FOCAD: variants seen among roughly 807,000 people sequenced by gnomAD.
FOCAD encodes the protein KIAA1797.
A neutral mutation model predicts 225.6 loss-of-function variants in FOCAD; 198 were observed. The observed-to-expected ratio is 0.88, with a 90% confidence interval of 0.78 to 0.99. FOCAD has a LOEUF of 0.99. Ranked by LOEUF, FOCAD falls within the 50% of genes least tolerant of loss-of-function variation. FOCAD has a pLI of 0.00. For synonymous variants in FOCAD, 897 were observed against 755.0 expected (o/e 1.19, Z -3.08); for missense variants, 2,713 against 2,123.6 (o/e 1.28, Z -5.46).
intron 21 of FOCAD, chr9:20,897,014 G>A (rs1191161280): frequency 6.6e-6 from 1 of 151,812 alleles, no homozygotes; most frequent in Non-Finnish European, 1.5e-5. Flanking sequence ...GGCTATACGA[G>A]TGGATTAATC....
chr9:20,792,371 T>C (rs775834740), intron 11 of FOCAD, among the ~76,000 whole-genome samples: 1 of 152,190 alleles, frequency 6.6e-6, no homozygotes, highest in Non-Finnish European at 1.5e-5. Context: ...GTAAGGTGTA[T>C]CAATTTCTTT....
chr9:20,966,443 T>C (rs1839261940), intron 35 of FOCAD, among the ~76,000 whole-genome samples: 1 of 152,168 alleles, frequency 6.6e-6, no homozygotes, highest in Admixed American at 6.5e-5. Context: ...TTATTTATAA[T>C]TTGCAAATTC....
At chr9:20,955,955 A>G (rs1354839551) in intron 35 of FOCAD, among the ~76,000 whole-genome samples, 1 of 152,170 alleles carries the variant, frequency 6.6e-6, no homozygotes, top group Non-Finnish European at 1.5e-5. Context: ...TTGCTGGGGA[A>G]TGTGGCTAAC....
At chr9:20,954,225 G>C (rs2132401244) in intron 35 of FOCAD, among the ~76,000 whole-genome samples, 1 of 152,170 alleles carries the variant, frequency 6.6e-6, no homozygotes, top group Admixed American at 6.5e-5. Flanking sequence ...TGTACAGTTA[G>C]TTCATTGTTT....
chr9:20,844,657 G>A (rs376195023), intron 15 of FOCAD, among the ~76,000 whole-genome samples: 4 of 151,958 alleles, frequency 2.6e-5, no homozygotes, highest in African/African-American at 4.8e-5. Context: ...CACTGTACCC[G>A]GCCTCATCTA....
intron 1 of FOCAD, 112 bp from the exon 2 acceptor site, chr9:20,715,210 C>A: frequency 2.4e-6 from 1 of 419,544 alleles, no homozygotes; most frequent in Non-Finnish European, 4.1e-6. Flanking sequence ...TGCTTTATTT[C>A]CATTGTTATC....
intron 5 of FOCAD, among the ~76,000 whole-genome samples, chr9:20,757,801 G>A (rs1344678230): frequency 6.6e-6 from 1 of 152,122 alleles, no homozygotes; most frequent in East Asian, 1.9e-4. Context: ...CAGGAGCTTG[G>A]CCAAAGTCAC....
At chr9:20,936,469 G>T (rs781200316) in intron 28 of FOCAD, among the ~76,000 whole-genome samples, 16 of 152,202 alleles carry the variant, frequency 1.1e-4, no homozygotes, top group Non-Finnish European at 2.2e-4. Context: ...GCTGAGATTG[G>T]AGAGGAACTA....
At position 20,948,327 on chromosome 9, in the gene FOCAD, A is replaced by T. The variant is rs376690505; in HGVS notation, c.3732A>T (p.Gly1244=). The T allele has an allele frequency of 6.2e-7, 1 of 1,612,380 alleles. No homozygotes were observed. Among genetic ancestry groups the T allele is most frequent in the Non-Finnish European group, 8.5e-7 (1 of 1,179,006 alleles). Reference sequence around the variant, plus strand: ...TAGTTCATGGATTGTCTGTGTGTGGACATGGAAAAGCTGAAGACTTGGGCA... The same window carrying T: ...TAGTTCATGGATTGTCTGTGTGTGGTCATGGAAAAGCTGAAGACTTGGGCA... ...GNIVHGLSVC[G]HGKAEDLGSK... Residue 1244 remains glycine (G), a synonymous_variant, in exon 31 of 44, where the codon GGA becomes GGT. Transcript: ENST00000338382.
chr9:20,686,617 T>C (rs551010457), intron 1 of FOCAD, among the ~76,000 whole-genome samples: 6 of 152,238 alleles, frequency 3.9e-5, no homozygotes, highest in Non-Finnish European at 5.9e-5. Context: ...TCTTGATGTA[T>C]AACAAAGAAC....
intron 24 of FOCAD, among the ~76,000 whole-genome samples, chr9:20,919,232 A>C (rs1329375024): frequency 1.3e-5 from 2 of 152,208 alleles, no homozygotes; most frequent in African/African-American, 4.8e-5. Context: ...AAAGAGAATA[A>C]AATACCTAGG....
chr9:20,696,561 TG>T (rs1291811320), intron 1 of FOCAD, among the ~76,000 whole-genome samples: 2 of 152,202 alleles, frequency 1.3e-5, no homozygotes, highest in African/African-American at 4.8e-5. Flanking sequence ...CCCAGCACTT[TG>T]GGAGGCCGAG....
Position 20,670,598 on chromosome 9 carries a change from C to G in FOCAD, c.-78+11772C>G, listed in dbSNP as rs116902486. On this transcript the variant is annotated intron_variant, in intron 2 of 45. Transcript: ENST00000380249. ...CGCGAGAACAGCATGGGGGAAACCACCACCCTCATAATCCAATCACTTCCC... is the reference window on the plus strand; with the variant it reads ...CGCGAGAACAGCATGGGGGAAACCAGCACCCTCATAATCCAATCACTTCCC... Among the ~76,000 whole-genome samples the G allele has an allele frequency of 7.2e-5, 11 of 152,254 alleles. No individual in the cohort carries two copies. The East Asian group carries it at 2.1e-3, about 29-fold the overall frequency.
At chr9:20,722,096 G>T (rs1038515334) in intron 4 of FOCAD, among the ~76,000 whole-genome samples, 6 of 143,464 alleles carry the variant, frequency 4.2e-5, no homozygotes, top group Admixed American at 2.8e-4. Context: ...TTGCTATGCT[G>T]CCTGGGCATT....
At chr9:20,855,430 A>G (rs548877703) in intron 15 of FOCAD, among the ~76,000 whole-genome samples, 1 of 151,474 alleles carries the variant, frequency 6.6e-6, no homozygotes, top group Non-Finnish European at 1.5e-5. Flanking sequence ...TTGTTTTTTA[A>G]TTTTTATCAT....
chr9:20,956,937 G>A (rs958851449), intron 35 of FOCAD, among the ~76,000 whole-genome samples: 5 of 152,046 alleles, frequency 3.3e-5, no homozygotes, highest in Admixed American at 6.5e-5. Context: ...CAGGTGATCC[G>A]CCTGCCTCGG....
intron 28 of FOCAD, among the ~76,000 whole-genome samples, chr9:20,935,502 G>A (rs1033334263): frequency 2.6e-5 from 4 of 152,192 alleles, no homozygotes; most frequent in Admixed American, 2.6e-4. Context: ...CCGAGTTCAA[G>A]TGATTCTCCT....
At chr9:20,977,943 G>A (rs546502962) in intron 36 of FOCAD, among the ~76,000 whole-genome samples, 1 of 152,262 alleles carries the variant, frequency 6.6e-6, no homozygotes, top group South Asian at 2.1e-4. Context: ...TAGAGAATGT[G>A]GCTCTATCTT....
In FOCAD at chr9:20,993,233, AT is replaced by A. The variant is rs1564256866; in HGVS notation, c.5257-15del. On this transcript the variant is annotated intron_variant, in intron 42 of 43. Transcript: ENST00000338382. ...TGGTAGGATTCTCTTCTTTGACACT[AT>A]TTTTCATTTTTACCCTAGTTCATTG... is the stretch of plus-strand genomic sequence containing the variant. The A allele has an allele frequency of 6.2e-7, 1 of 1,602,340 alleles. No homozygotes were observed. The highest frequency in any genetic ancestry group is 2.2e-5 in the East Asian group (1 of 44,734).
Sources: gnomAD v4.1 joint callset for allele counts (sites outside exome capture counted in the v4.1 genomes callset) on GRCh38, gnomAD v4.1.1 for gene constraint, MANE v1.5 for transcripts, NCBI Gene and HGNC (gene_info 2026-07-23, HGNC 2026-07-21) for gene names.